Variants in PDLIM5 observed in about 807,000 individuals in gnomAD.
PDLIM5 encodes the protein PDZ and LIM domain 5.
PDLIM5 carries 34 observed loss-of-function variants against 64.2 expected under a neutral mutation model. The ratio of observed to expected loss-of-function variants is 0.53; its 90% CI spans 0.40 to 0.71. The LOEUF (loss-of-function observed/expected upper bound fraction) is 0.71, where lower values mean the gene tolerates loss of function less well. Ranked by LOEUF, PDLIM5 falls within the 30% of genes least tolerant of loss-of-function variation. The pLI, the probability that PDLIM5 is intolerant of heterozygous loss-of-function variation, is 0.00. For missense variants in PDLIM5, 683 were observed against 733.6 expected, an observed-to-expected ratio of 0.93 and a Z score of 0.80; for synonymous variants, 253 against 269.1, an observed-to-expected ratio of 0.94 and a Z score of 0.59.
At chr4:94,530,063 C>T (rs1397084575) in intron 3 of PDLIM5, among the ~76,000 whole-genome samples, 1 of 152,130 alleles carries the variant, frequency 6.6e-6, no homozygotes, top group Non-Finnish European at 1.5e-5. Context: ...CCATTTATTT[C>T]AGTAGTTAGC....
At chr4:94,479,640 T>C (rs1461602556) in intron 2 of PDLIM5, among the ~76,000 whole-genome samples, 3 of 152,142 alleles carry the variant, frequency 2.0e-5, no homozygotes, top group African/African-American at 7.2e-5. Flanking sequence ...CAGAGATCTT[T>C]GTATATTGGA....
intron 8 of PDLIM5, among the ~76,000 whole-genome samples, chr4:94,625,286 C>G (rs975977653): frequency 1.3e-5 from 2 of 150,082 alleles, no homozygotes; most frequent in Non-Finnish European, 2.9e-5. Flanking sequence ...CAGTTGAGCC[C>G]TGTTTACTCT....
At position 94,575,982 on chromosome 4, in the gene PDLIM5, C is replaced by A. The variant is rs780075339; in HGVS notation, c.658C>A (p.Leu220Ile). 47 of 1,614,004 alleles carry A rather than the reference C, an allele frequency of 2.9e-5. No homozygotes were observed. The highest frequency in any genetic ancestry group is 3.3e-4 in the Middle Eastern group (2 of 6,084). ...TSVCSETSQE[L>I]AEGQRRGSQG... ...CGTGTGTTCCGAGACTTCTCAGGAG[C>A]TAGCAGAGGGACAGAGAAGAGGATC... The change falls in exon 5 of 13, where the codon CTA becomes ATA. Residue 220 changes from leucine to isoleucine, a missense_variant. Leu to Ile is a conservative substitution (Grantham distance 5). Transcript: ENST00000317968.
chr4:94,513,007 A>G (rs1451141186), intron 2 of PDLIM5, among the ~76,000 whole-genome samples: 2 of 152,042 alleles, frequency 1.3e-5, no homozygotes, highest in African/African-American at 4.8e-5. Flanking sequence ...TTCCCAGTGT[A>G]TGGTCTTGGC....
chr4:94,556,458 C>G (rs180934720), intron 3 of PDLIM5, among the ~76,000 whole-genome samples: 85 of 152,246 alleles, frequency 5.6e-4, no homozygotes, highest in African/African-American at 1.9e-3. Flanking sequence ...ATTTTTAGTT[C>G]TAGATCCTTG....
At chr4:94,528,463 T>C (rs1051134559) in intron 3 of PDLIM5, among the ~76,000 whole-genome samples, 1 of 152,344 alleles carries the variant, frequency 6.6e-6, no homozygotes, top group East Asian at 1.9e-4. Flanking sequence ...CCGTGTATAT[T>C]AGTCGTGGTT....
intron 7 of PDLIM5, among the ~76,000 whole-genome samples, chr4:94,598,439 G>T (rs952790981): frequency 1.3e-5 from 2 of 152,044 alleles, no homozygotes; most frequent in Non-Finnish European, 2.9e-5. Flanking sequence ...AGCTGTCTTT[G>T]GGTGAGAAGC....
intron 7 of PDLIM5, among the ~76,000 whole-genome samples, chr4:94,615,490 G>C (rs114632994): frequency 2.0e-5 from 3 of 152,014 alleles, no homozygotes; most frequent in African/African-American, 7.2e-5. Flanking sequence ...GAGAGAGTAG[G>C]AAGAGGTACC....
At chr4:94,454,338 T>A (rs986926953) in intron 1 of PDLIM5, among the ~76,000 whole-genome samples, 9 of 151,998 alleles carry the variant, frequency 5.9e-5, no homozygotes, top group Admixed American at 5.2e-4. Context: ...TTTTTTTTTT[T>A]TTTTGCTTTT....
chr4:94,604,627 C>G lies in PDLIM5; in HGVS notation c.921-13377C>G, dbSNP rs1219595633. Among the ~76,000 whole-genome samples, 6 of 152,046 alleles carry G rather than the reference C, an allele frequency of 3.9e-5. No individual in the cohort carries two copies. In the East Asian group the frequency reaches 1.2e-3, roughly 29 times the overall value. On this transcript the variant is annotated intron_variant, in intron 7 of 12. Coordinates refer to ENST00000317968, the MANE Select transcript of PDLIM5 (RefSeq NM_006457.5). The stretch of plus-strand genomic sequence containing the variant: ...CCAGCCTGGGTGACAGAGTGAGGCT[C>G]CGTCTCCAAAAAAAGAATTAAAGTA...
At chr4:94,472,995 A>T (rs1578212349) in intron 2 of PDLIM5, among the ~76,000 whole-genome samples, 1 of 152,222 alleles carries the variant, frequency 6.6e-6, no homozygotes, top group African/African-American at 2.4e-5. Context: ...ATAAATGGTG[A>T]TAAAATGGTA....
intron 8 of PDLIM5, among the ~76,000 whole-genome samples, chr4:94,626,835 A>G (rs1739737101): frequency 6.6e-6 from 1 of 151,704 alleles, no homozygotes. Context: ...TATTTGTGAG[A>G]TTTGATTAGA....
In PDLIM5 at chr4:94,648,971, G is replaced by T. The variant is rs111941341; in HGVS notation, c.1284-5489G>T. ...TTAGGGGATGTAATTGTTTTTTTTT[G>T]ATTTTGGTTTTGGTTTTTTTTTGAG... On this transcript the variant is annotated intron_variant, in intron 9 of 12. Transcript: ENST00000317968. 2.9e-3 allele frequency among the ~76,000 whole-genome samples: 442 copies of T among 150,898 alleles called. 1 individual carries two copies. The highest frequency in any genetic ancestry group is 6.8e-3 in the Middle Eastern group (2 of 294).
At chr4:94,616,274 G>T (rs1463258269) in intron 7 of PDLIM5, among the ~76,000 whole-genome samples, 1 of 152,076 alleles carries the variant, frequency 6.6e-6, no homozygotes, top group African/African-American at 2.4e-5. Flanking sequence ...TATTTGTAAT[G>T]AGTAAAAATG....
At chr4:94,616,145 AT>A (rs1003847629) in intron 7 of PDLIM5, among the ~76,000 whole-genome samples, 1 of 151,902 alleles carries the variant, frequency 6.6e-6, no homozygotes, top group East Asian at 1.9e-4. Flanking sequence ...CTTGGTCATA[AT>A]TTTTTTTCTT....
rs114455563 is a variant in PDLIM5, at chr4:94,469,219, G to C, written c.96+13835G>C. On this transcript the variant is annotated intron_variant, in intron 2 of 12. Coordinates refer to ENST00000317968, the MANE Select transcript of PDLIM5 (RefSeq NM_006457.5). ...AGTTATGTACCTTATAGTCTAGTAA[G>C]GGGGAATGGTAACTCACACACAAAA... Among the ~76,000 whole-genome samples, 700 of 152,266 alleles carry C rather than the reference G, an allele frequency of 4.6e-3. 3 individuals are homozygous for C. The highest frequency in any genetic ancestry group is 0.016 in the African/African-American group (654 of 41,550).
At chr4:94,508,672 T>A (rs1159674624) in intron 2 of PDLIM5, among the ~76,000 whole-genome samples, 1 of 152,210 alleles carries the variant, frequency 6.6e-6, no homozygotes, top group Non-Finnish European at 1.5e-5. Flanking sequence ...ACATAATATA[T>A]ACAATCTGTT....
At chr4:94,619,407 G>A (rs1739044127) in intron 8 of PDLIM5, among the ~76,000 whole-genome samples, 1 of 149,796 alleles carries the variant, frequency 6.7e-6, no homozygotes, top group South Asian at 2.1e-4. Flanking sequence ...TTGGGAGGCC[G>A]AGGCCGGCGG....
At chr4:94,574,653 C>T (rs533878042) in intron 4 of PDLIM5, among the ~76,000 whole-genome samples, 1 of 152,166 alleles carries the variant, frequency 6.6e-6, no homozygotes, top group Non-Finnish European at 1.5e-5. Context: ...GTCTAACGCT[C>T]TACCTCTGAG....
Sources: allele counts gnomAD v4.1 joint callset (sites outside exome capture counted in the v4.1 genomes callset), GRCh38; gene constraint gnomAD v4.1.1; transcripts MANE v1.5; gene names NCBI Gene and HGNC (gene_info 2026-07-23, HGNC 2026-07-21).